ANKS1B: variants seen among roughly 807,000 people sequenced by gnomAD.
The protein encoded by ANKS1B is ankyrin repeat and sterile alpha motif domain-containing protein 1B.
Under a neutral mutation model 148.3 loss-of-function variants are expected in ANKS1B, and 36 were observed. The ratio of observed to expected loss-of-function variants is 0.24; its 90% CI spans 0.19 to 0.32. The LOEUF is 0.32. Ranked by LOEUF, ANKS1B falls within the 10% of genes least tolerant of loss-of-function variation. The pLI is 1.00. For synonymous variants in ANKS1B, 542 were observed against 560.8 expected, an observed-to-expected ratio of 0.97 and a Z score of 0.47; for missense variants, 1,157 against 1,542.6, an observed-to-expected ratio of 0.75 and a Z score of 4.19.
chr12:99,351,437 T>G (rs910223505), intron 12 of ANKS1B, among the ~76,000 whole-genome samples: 6 of 152,054 alleles, frequency 3.9e-5, no homozygotes, highest in African/African-American at 1.4e-4. Flanking sequence ...TTTAACTTTT[T>G]TTTTTTATTT....
chr12:99,653,709 T>C (rs929474981), intron 9 of ANKS1B, among the ~76,000 whole-genome samples: 2 of 142,132 alleles, frequency 1.4e-5, no homozygotes, highest in African/African-American at 5.2e-5. Flanking sequence ...AGACAGAGTC[T>C]CACTCTATCA....
chr12:99,967,886 G>T (rs1178610908), intron 1 of ANKS1B, among the ~76,000 whole-genome samples: 1 of 138,414 alleles, frequency 7.2e-6, no homozygotes, highest in Non-Finnish European at 1.5e-5. Context: ...CAGCCTGGGC[G>T]ACAAGGGCGA....
At chr12:99,105,148 T>C (rs2058868295) in intron 15 of ANKS1B, 1 of 152,372 alleles carries the variant, frequency 6.6e-6, no homozygotes, top group South Asian at 2.1e-4. Flanking sequence ...TTGTTCTTTA[T>C]GCTATTAAAT....
intron 12 of ANKS1B, among the ~76,000 whole-genome samples, chr12:99,372,676 A>G (rs1350265731): frequency 6.6e-6 from 1 of 152,162 alleles, no homozygotes; most frequent in Non-Finnish European, 1.5e-5. Flanking sequence ...TTATACATCC[A>G]TACACACACT....
chr12:99,095,521 A>C (rs867808720), intron 15 of ANKS1B, among the ~76,000 whole-genome samples: 1 of 152,184 alleles, frequency 6.6e-6, no homozygotes, highest in Admixed American at 6.5e-5. Flanking sequence ...TCTCCATTGG[A>C]TACCTGGAGG....
At chr12:99,650,532 A>ATCTTAATTAACTGCT (rs1292245383) in intron 9 of ANKS1B, among the ~76,000 whole-genome samples, 2 of 152,132 alleles carry the variant, frequency 1.3e-5, no homozygotes, top group Non-Finnish European at 1.5e-5. Flanking sequence ...CCTTTCTTAA[A>ATCTTAATTAACTGCT]TCTTAATTAA....
At chr12:98,903,272 G>A (rs540441167) in intron 17 of ANKS1B, among the ~76,000 whole-genome samples, 1 of 152,006 alleles carries the variant, frequency 6.6e-6, no homozygotes, top group South Asian at 2.1e-4. Flanking sequence ...TTGTTACTGG[G>A]GACCCAACTC....
At chr12:99,086,396 A>T (rs983244084) in intron 15 of ANKS1B, among the ~76,000 whole-genome samples, 2 of 152,164 alleles carry the variant, frequency 1.3e-5, no homozygotes, top group Admixed American at 6.6e-5. Flanking sequence ...GCAAACGGTA[A>T]GGCTGAATGA....
chr12:99,550,324 T>C (rs970082880), intron 9 of ANKS1B, among the ~76,000 whole-genome samples: 2 of 152,272 alleles, frequency 1.3e-5, no homozygotes, highest in South Asian at 2.1e-4. Context: ...CCCACAGATA[T>C]ATTTAGTCAA....
chr12:99,317,144 A>G (rs2084276547), intron 12 of ANKS1B, among the ~76,000 whole-genome samples: 1 of 152,076 alleles, frequency 6.6e-6, no homozygotes, highest in Non-Finnish European at 1.5e-5. Flanking sequence ...TTGTCTTGGC[A>G]ATGTGGGCTC....
intron 10 of ANKS1B, among the ~76,000 whole-genome samples, chr12:99,463,337 G>A (rs1044004201): frequency 3.9e-5 from 6 of 152,160 alleles, no homozygotes; most frequent in African/African-American, 1.2e-4. Context: ...GAACAGATCC[G>A]GTCTACAGCT....
intron 12 of ANKS1B, among the ~76,000 whole-genome samples, chr12:99,275,229 A>G (rs2077526602): frequency 6.6e-6 from 1 of 152,124 alleles, no homozygotes. Flanking sequence ...TAGTTATTTT[A>G]AAATGTACGA....
At chr12:99,442,918 C>G (rs565629115) in intron 11 of ANKS1B, among the ~76,000 whole-genome samples, 1 of 151,880 alleles carries the variant, frequency 6.6e-6, no homozygotes, top group East Asian at 1.9e-4. Flanking sequence ...CCATTCAGAA[C>G]GAGCCAGGTT....
At chr12:99,094,239 A>C (rs1197859786) in intron 15 of ANKS1B, among the ~76,000 whole-genome samples, 4 of 152,208 alleles carry the variant, frequency 2.6e-5, no homozygotes, top group Non-Finnish European at 5.9e-5. Context: ...CAGTGGAATA[A>C]AAAAATAGAT....
intron 1 of ANKS1B, among the ~76,000 whole-genome samples, chr12:99,829,029 T>C (rs1284827780): frequency 4.6e-5 from 7 of 151,616 alleles, no homozygotes; most frequent in African/African-American, 1.7e-4. Context: ...CTCAGATACT[T>C]AGAAAAAAAA....
chr12:98,810,856 C>T (rs1425194829), intron 19 of ANKS1B, among the ~76,000 whole-genome samples: 1 of 152,182 alleles, frequency 6.6e-6, no homozygotes, highest in African/African-American at 2.4e-5. Context: ...TTTTCCTTCC[C>T]TCCTTGTGTG....
intron 9 of ANKS1B, among the ~76,000 whole-genome samples, chr12:99,532,794 G>C (rs12370796): frequency 0.017 from 2,558 of 152,252 alleles, 23 homozygotes; most frequent in Non-Finnish European, 0.026. Flanking sequence ...TTTCCCCAGT[G>C]CATGTTTTTG....
intron 18 of ANKS1B, chr12:98,831,251 C>T (rs1227281083): frequency 6.6e-6 from 1 of 152,018 alleles, no homozygotes; most frequent in Non-Finnish European, 1.5e-5. Flanking sequence ...CCGGCCCCTA[C>T]CTCATAATTC....
chr12:99,488,840 A>G (rs2096527840), intron 10 of ANKS1B, among the ~76,000 whole-genome samples: 1 of 152,026 alleles, frequency 6.6e-6, no homozygotes, highest in Non-Finnish European at 1.5e-5. Flanking sequence ...TTTTTCTTTC[A>G]TTATTGTTTG....
Sources: allele counts gnomAD v4.1 joint callset (sites outside exome capture counted in the v4.1 genomes callset), GRCh38; gene constraint gnomAD v4.1.1; transcripts MANE v1.5; gene names NCBI Gene and HGNC (gene_info 2026-07-23, HGNC 2026-07-21).